GLI3: variants seen among roughly 807,000 people sequenced by gnomAD.
The protein encoded by GLI3 is GLI family zinc finger 3, also known as transcription activator GLI3.
Under a neutral mutation model 100.8 loss-of-function variants are expected in GLI3, and 20 were observed. The ratio of observed to expected loss-of-function variants is 0.20; its 90% CI spans 0.14 to 0.29. GLI3 has a LOEUF of 0.29. GLI3 is among the 10% of genes least tolerant of loss of function. The pLI is 1.00. For missense variants in GLI3, 2,040 were observed against 2,128.5 expected (o/e 0.96, Z 0.82); for synonymous variants, 938 against 860.5 (o/e 1.09, Z -1.58).
chr7:42,182,830 T>C (rs1200530951), intron 2 of GLI3, among the ~76,000 whole-genome samples: 1 of 151,426 alleles, frequency 6.6e-6, no homozygotes, highest in Non-Finnish European at 1.5e-5. Context: ...CCCAGCACTT[T>C]GAGAGGCCGA....
intron 3 of GLI3, among the ~76,000 whole-genome samples, chr7:42,102,488 TC>T (rs2128762583): frequency 6.6e-6 from 1 of 152,308 alleles, no homozygotes; most frequent in Non-Finnish European, 1.5e-5. Flanking sequence ...TCCCAGCAAT[TC>T]CTGTTGGTGC....
chr7:42,222,713 G>T (rs571742908), intron 2 of GLI3: 34 of 193,186 alleles, frequency 1.8e-4, no homozygotes, highest in African/African-American at 6.8e-4. Flanking sequence ...CTTAAAGTTG[G>T]GGTTGGAGGA....
intron 1 of GLI3, among the ~76,000 whole-genome samples, chr7:42,235,023 A>G (rs1381262075): frequency 1.3e-5 from 2 of 152,188 alleles, no homozygotes; most frequent in African/African-American, 2.4e-5. Flanking sequence ...CAGAGTTTAC[A>G]TTGTTAAAAC....
At chr7:42,186,439 GA>G (rs202057997) in intron 2 of GLI3, among the ~76,000 whole-genome samples, 3 of 152,038 alleles carry the variant, frequency 2.0e-5, no homozygotes, top group African/African-American at 7.2e-5. Context: ...GATTTTGCAA[GA>G]AAAAAAGTAT....
chr7:42,082,793 T>C (rs1182158587), intron 3 of GLI3, among the ~76,000 whole-genome samples: 2 of 152,216 alleles, frequency 1.3e-5, no homozygotes, highest in Non-Finnish European at 2.9e-5. Context: ...TATTATTTTG[T>C]CACTTTACAC....
chr7:42,006,752 G>C (rs1272404560), intron 10 of GLI3, among the ~76,000 whole-genome samples: 1 of 152,150 alleles, frequency 6.6e-6, no homozygotes, highest in Admixed American at 6.5e-5. Context: ...TTCTCAGGGG[G>C]AGACATTTCT....
intron 7 of GLI3, among the ~76,000 whole-genome samples, chr7:42,026,878 C>T (rs147732563): frequency 1.3e-5 from 2 of 152,312 alleles, no homozygotes; most frequent in African/African-American, 4.8e-5. Flanking sequence ...GTGTTTTGAA[C>T]ACCATGCTTG....
chr7:42,226,879 A>C (rs1351808676), intron 1 of GLI3, among the ~76,000 whole-genome samples: 1 of 152,108 alleles, frequency 6.6e-6, no homozygotes, highest in East Asian at 1.9e-4. Context: ...TGGTGATGGA[A>C]TTTTCAGGGA....
chr7:41,967,474 G>A, intron 14 of GLI3, 122 bp downstream of exon 14: 2 of 747,490 alleles, frequency 2.7e-6, no homozygotes, highest in Non-Finnish European at 4.6e-6. Flanking sequence ...AAACATTAAC[G>A]GATGGTTACA....
At chr7:42,012,684 G>GA (rs796324349) in intron 10 of GLI3, among the ~76,000 whole-genome samples, 16 of 149,376 alleles carry the variant, frequency 1.1e-4, no homozygotes, top group African/African-American at 2.0e-4. Flanking sequence ...TCTTGATCAA[G>GA]AAAAAAAAAA....
intron 2 of GLI3, among the ~76,000 whole-genome samples, chr7:42,167,289 C>A (rs370223223): frequency 3.2e-4 from 48 of 152,132 alleles, no homozygotes; most frequent in African/African-American, 1.1e-3. Flanking sequence ...AAGGACAAGA[C>A]AAATGGACAC....
At chr7:42,262,208 C>G (rs1195812722) in intron 1 of GLI3, among the ~76,000 whole-genome samples, 1 of 127,278 alleles carries the variant, frequency 7.9e-6, no homozygotes, top group Non-Finnish European at 1.6e-5. Context: ...TTCCTTCCTT[C>G]TTTCCTTCCT....
rs1477694573 is a variant in GLI3, at chr7:42,091,424, C to A, written c.368-14567G>T. Among the ~76,000 whole-genome samples the A allele has an allele frequency of 2.0e-5, 3 of 152,224 alleles. No individual in the cohort carries two copies. The East Asian group carries it at 5.8e-4, about 29-fold the overall frequency. ...GACACTTCTCCCAGGCACCAGGGAC[C>A]CAGCCTAGCAGGCAGCAGGCCCCTA... On this transcript the variant is annotated intron_variant, in intron 3 of 14. Coordinates refer to ENST00000395925, the MANE Select transcript of GLI3 (RefSeq NM_000168.6).
At chr7:42,105,457 A>G (rs1038529617) in intron 3 of GLI3, among the ~76,000 whole-genome samples, 1 of 152,200 alleles carries the variant, frequency 6.6e-6, no homozygotes, top group Non-Finnish European at 1.5e-5. Context: ...GAAAAAGAAA[A>G]TGCACTGGCA....
intron 2 of GLI3, among the ~76,000 whole-genome samples, chr7:42,170,812 AATT>A (rs1459997167): frequency 1.3e-5 from 2 of 152,140 alleles, no homozygotes; most frequent in African/African-American, 4.8e-5. Context: ...TTTGCTTGAG[AATT>A]ATTTTTTTCT....
At chr7:42,241,331 C>T (rs1223004657), upstream of GLI3, among the ~76,000 whole-genome samples, 1 of 152,166 alleles carries the variant, frequency 6.6e-6, no homozygotes, top group Non-Finnish European at 1.5e-5. Flanking sequence ...ATCCGATATT[C>T]CCCTTGGCCA....
chr7:42,086,787 C>T (rs1008802445), intron 3 of GLI3, among the ~76,000 whole-genome samples: 6 of 152,152 alleles, frequency 3.9e-5, no homozygotes, highest in African/African-American at 1.2e-4. Context: ...AGGGACGACC[C>T]GAGGAATTCT....
chr7:42,084,482 C>G lies in GLI3; in HGVS notation c.368-7625G>C, dbSNP rs571397280. On this transcript the variant is annotated intron_variant, in intron 3 of 14. Coordinates refer to ENST00000395925, the MANE Select transcript of GLI3 (RefSeq NM_000168.6). ...AGTGGTGGAAAGAAAACCACATCTACGTACTGGCTGACCAGCCATATCCTT... is the reference window on the plus strand; with the variant it reads ...AGTGGTGGAAAGAAAACCACATCTAGGTACTGGCTGACCAGCCATATCCTT... Among the ~76,000 whole-genome samples the G allele has an allele frequency of 6.6e-5, 10 of 152,344 alleles. No individual in the cohort carries two copies. The South Asian group carries it at 1.7e-3, about 25-fold the overall frequency.
At chr7:42,179,265 C>T (rs181103146) in intron 2 of GLI3, among the ~76,000 whole-genome samples, 86 of 152,266 alleles carry the variant, frequency 5.6e-4, no homozygotes, top group Admixed American at 1.9e-3. Context: ...CATGTGGAAC[C>T]GAAAGTCCAA....
Sources: gnomAD v4.1 joint callset for allele counts (sites outside exome capture counted in the v4.1 genomes callset) on GRCh38, gnomAD v4.1.1 for gene constraint, MANE v1.5 for transcripts, NCBI Gene and HGNC (gene_info 2026-07-23, HGNC 2026-07-21) for gene names.